The following ADAM10 variants were observed in gnomAD, a reference collection of about 807,000 sequenced individuals.
The protein encoded by ADAM10 is disintegrin and metalloproteinase domain-containing protein 10.
Under a neutral mutation model 90.1 loss-of-function variants are expected in ADAM10, and 17 were observed. The observed-to-expected ratio is 0.19, with a 90% CI of 0.13 to 0.28. ADAM10 has a LOEUF of 0.28. Among genes scored for constraint, ADAM10 ranks in the 10% least tolerant of loss-of-function variants. The pLI is 1.00. For missense variants in ADAM10, 610 were observed against 914.3 expected (o/e 0.67, Z 4.29); for synonymous variants, 310 against 298.6 (o/e 1.04, Z -0.40).
intron 2 of ADAM10, chr15:58,686,433 G>A: frequency 7.4e-7 from 1 of 1,351,060 alleles, no homozygotes; most frequent in South Asian, 1.2e-5. Flanking sequence ...GCTAGCGCGA[G>A]CGCCCTGCAG....
At chr15:58,659,777 G>A (rs2140720908) in intron 5 of ADAM10, among the ~76,000 whole-genome samples, 1 of 152,252 alleles carries the variant, frequency 6.6e-6, no homozygotes, top group East Asian at 1.9e-4. Flanking sequence ...CGCCCAGGCT[G>A]GAGTGCAGTG....
At chr15:58,692,762 T>A (rs570030418) in intron 2 of ADAM10, 2 of 604,738 alleles carry the variant, frequency 3.3e-6, no homozygotes, top group Non-Finnish European at 3.2e-6. Context: ...TTGTGCTTTG[T>A]GATGGCTACT....
chr15:58,684,649 A>G (rs908983343), intron 2 of ADAM10, among the ~76,000 whole-genome samples: 12 of 152,242 alleles, frequency 7.9e-5, no homozygotes, highest in African/African-American at 2.9e-4. Context: ...TTAGGTGATC[A>G]TGAGTTGTAT....
At chr15:58,648,611 G>C (rs1181148916) in intron 5 of ADAM10, among the ~76,000 whole-genome samples, 4 of 152,094 alleles carry the variant, frequency 2.6e-5, no homozygotes, top group African/African-American at 9.7e-5. Context: ...ACATAAAGGT[G>C]TTCAAGTTTA....
At chr15:58,679,402 A>G in intron 3 of ADAM10, 120 bp from the exon 4 acceptor site, 5 of 829,916 alleles carry the variant, frequency 6.0e-6, no homozygotes, top group Non-Finnish European at 9.6e-6. Context: ...ATACACATAT[A>G]TATGGTTAAA....
intron 2 of ADAM10, among the ~76,000 whole-genome samples, chr15:58,711,286 A>C (rs1447908691): frequency 6.6e-6 from 1 of 152,188 alleles, no homozygotes; most frequent in Non-Finnish European, 1.5e-5. Context: ...TACCCAAATA[A>C]ATACACAGGC....
Position 58,596,563 on chromosome 15 carries a change from A to G in ADAM10, c.*984T>C, listed in dbSNP as rs139025368. ...TTCTTTTCCATATCAGACAGAAAAC[A>G]TAATTAGCATATTTCAGATATATGA... On this transcript the variant is annotated 3_prime_UTR_variant, in exon 16 of 16. Coordinates refer to ENST00000260408, the MANE Select transcript of ADAM10 (RefSeq NM_001110.4). 2.6e-5 allele frequency: 4 copies of G among 152,796 alleles called. No individual in the cohort carries two copies. In the East Asian group the frequency reaches 7.7e-4, roughly 29 times the overall value. The allele number at this position is 152,796 out of a possible 1,614,324, so 9.5% of individuals were successfully genotyped here. A position where few individuals can be genotyped will look rare whatever the true frequency, so the allele number is the denominator to read the frequency against.
At chr15:58,670,462 T>C (rs1175560128) in intron 4 of ADAM10, among the ~76,000 whole-genome samples, 1 of 152,112 alleles carries the variant, frequency 6.6e-6, no homozygotes, top group East Asian at 1.9e-4. Flanking sequence ...GTTGCAATTT[T>C]TAACAGTAAA....
intron 5 of ADAM10, among the ~76,000 whole-genome samples, chr15:58,660,218 C>T (rs1248009290): frequency 6.6e-6 from 1 of 151,598 alleles, no homozygotes; most frequent in Non-Finnish European, 1.5e-5. Flanking sequence ...TAAATAGGGT[C>T]TCACTCTGCA....
chr15:58,686,607 C>CTTTA, intron 2 of ADAM10: 1 of 983,728 alleles, frequency 1.0e-6, no homozygotes, highest in Non-Finnish European at 1.6e-6. Context: ...AGATCCTGTG[C>CTTTA]TTTACTCTGA....
chr15:58,638,156 A>G (rs1166294264), intron 8 of ADAM10, among the ~76,000 whole-genome samples: 1 of 152,074 alleles, frequency 6.6e-6, no homozygotes, highest in Non-Finnish European at 1.5e-5. Context: ...CCAAGAGCTG[A>G]AGTTGGGGGT....
intron 2 of ADAM10, chr15:58,692,166 CTT>C (rs1351372636): frequency 9.2e-6 from 5 of 542,188 alleles, no homozygotes; most frequent in Non-Finnish European, 1.9e-5. Flanking sequence ...TCATTTTCCT[CTT>C]GTTCTAAAAA....
chr15:58,745,633 G>A (rs1174929740), intron 1 of ADAM10, among the ~76,000 whole-genome samples: 1 of 152,064 alleles, frequency 6.6e-6, no homozygotes, highest in African/African-American at 2.4e-5. Flanking sequence ...AATATTAAAA[G>A]TTGGATAAGG....
chr15:58,595,320 CTG>C lies in ADAM10; in HGVS notation c.*2225_*2226del, dbSNP rs1208013401. ...TCTATACTTTTGTAGGAAGAGACAA[CTG>C]TAAGAAAACACTGCCTTGTGGGAAG... is the stretch of plus-strand genomic sequence containing the variant. On this transcript the variant is annotated 3_prime_UTR_variant, in exon 16 of 16. Transcript: ENST00000260408. The C allele has an allele frequency of 1.3e-5, 2 of 152,214 alleles. No homozygotes were observed. Among genetic ancestry groups the C allele is most frequent in the African/African-American group, 4.8e-5 (2 of 41,554 alleles). 9.4% of individuals were successfully genotyped at this position (152,214 alleles called of 1,614,324 possible). A position where few individuals can be genotyped will look rare whatever the true frequency, so the allele number is the denominator to read the frequency against.
chr15:58,639,008 T>C (rs1896345825), intron 8 of ADAM10, among the ~76,000 whole-genome samples: 1 of 152,196 alleles, frequency 6.6e-6, no homozygotes, highest in South Asian at 2.1e-4. Flanking sequence ...TTAGGAAGAA[T>C]TTTACCAAAT....
chr15:58,602,975 G>C (rs750428306), intron 14 of ADAM10, among the ~76,000 whole-genome samples: 5 of 152,208 alleles, frequency 3.3e-5, no homozygotes, highest in Non-Finnish European at 5.9e-5. Flanking sequence ...TGGCAAACTT[G>C]TGAGAAATTT....
intron 9 of ADAM10, among the ~76,000 whole-genome samples, chr15:58,628,342 G>T (rs954222123): frequency 6.6e-6 from 1 of 152,060 alleles, no homozygotes; most frequent in Non-Finnish European, 1.5e-5. Flanking sequence ...CACAGAACAG[G>T]AATCTAAGAC....
intron 1 of ADAM10, among the ~76,000 whole-genome samples, chr15:58,740,676 A>C (rs761310264): frequency 1.4e-4 from 22 of 152,208 alleles, no homozygotes; most frequent in Non-Finnish European, 3.2e-4. Context: ...AAGTGCTGGG[A>C]TCACAGACAT....
In ADAM10 at chr15:58,590,326, G is replaced by A. The variant is rs1408698042; in HGVS notation, c.*7221C>T. The A allele has an allele frequency of 1.3e-5, 2 of 152,206 alleles. No individual in the cohort carries two copies. Among genetic ancestry groups the A allele is most frequent in the Non-Finnish European group, 2.9e-5 (2 of 68,066 alleles). 9.4% of individuals were successfully genotyped at this position (152,206 alleles called of 1,614,324 possible). ...TGTACATTTATTCACATGATTATCT[G>A]ATATCTATCTCACCTACAAGACCAT... is the stretch of plus-strand genomic sequence containing the variant. On this transcript the variant is annotated 3_prime_UTR_variant, in exon 16 of 16. Coordinates refer to ENST00000260408, the MANE Select transcript of ADAM10 (RefSeq NM_001110.4).
Sources: gnomAD v4.1 joint callset for allele counts (sites outside exome capture counted in the v4.1 genomes callset) on GRCh38, gnomAD v4.1.1 for gene constraint, MANE v1.5 for transcripts, NCBI Gene and HGNC (gene_info 2026-07-23, HGNC 2026-07-21) for gene names.